Variants in UPF2 observed in about 807,000 individuals in gnomAD.
UPF2 encodes UPF2 regulator of nonsense mediated mRNA decay, also known as regulator of nonsense transcripts 2.
UPF2 carries 17 observed loss-of-function variants against 141.4 expected under a neutral mutation model. That is an observed-to-expected ratio of 0.12 (90% confidence interval 0.08 to 0.18). The LOEUF (loss-of-function observed/expected upper bound fraction) is 0.18, where lower values mean the gene tolerates loss of function less well. Ranked by LOEUF, UPF2 falls within the 10% of genes least tolerant of loss-of-function variation. The pLI is 1.00. For synonymous variants in UPF2, 540 were observed against 498.0 expected (o/e 1.08, Z -1.12); for missense variants, 1,152 against 1,515.9 (o/e 0.76, Z 3.99).
intron 1 of UPF2, among the ~76,000 whole-genome samples, chr10:12,038,620 T>C (rs889871854): frequency 2.6e-5 from 4 of 151,246 alleles, no homozygotes; most frequent in African/African-American, 9.7e-5. Flanking sequence ...TCCCAGCTAC[T>C]CGGGAGGCTG....
chr10:12,013,876 A>G lies in UPF2; in HGVS notation c.1306+148T>C, dbSNP rs1477012202. On this transcript the variant is annotated intron_variant, in intron 4 of 21. Transcript: ENST00000357604. The stretch of plus-strand genomic sequence containing the variant: ...TGGATTCCCAAAGTGTTGAGGTTAC[A>G]GGCATGAGCCACCATGCTTGGCCCA... 6.9e-6 allele frequency: 5 copies of G among 722,724 alleles called. No individual in the cohort carries two copies. The African/African-American group carries it at 9.2e-5, about 13-fold the overall frequency. 44.8% of individuals were successfully genotyped at this position (722,724 alleles called of 1,614,324 possible). A position where few individuals can be genotyped will look rare whatever the true frequency, so the allele number is the denominator to read the frequency against.
intron 4 of UPF2, among the ~76,000 whole-genome samples, chr10:12,010,879 T>TAGG (rs1834114971): frequency 6.6e-6 from 1 of 151,724 alleles, no homozygotes; most frequent in Non-Finnish European, 1.5e-5. Flanking sequence ...GTCAGAAAGG[T>TAGG]AGGAGCATTC....
rs1832845343 is a variant in UPF2 at position 11,936,041 on chromosome 10, G to A, written c.3546+504C>T. Among the ~76,000 whole-genome samples the A allele has an allele frequency of 6.6e-6, 1 of 152,118 alleles. No individual in the cohort carries two copies. The highest frequency in any genetic ancestry group is 1.5e-5 in the Non-Finnish European group (1 of 68,016). On this transcript the variant is annotated intron_variant, in intron 19 of 21. Transcript: ENST00000357604. This position sits in a 1 kb window ranked among gnomAD's most constrained non-coding sequence, Gnocchi z 6.6. ...TGTGGAAGTTTGTGCTAGAAGTCAAGGTACTTACATATTCTTACAAACATG... is the reference window on the plus strand; with the variant it reads ...TGTGGAAGTTTGTGCTAGAAGTCAAAGTACTTACATATTCTTACAAACATG...
intron 4 of UPF2, among the ~76,000 whole-genome samples, chr10:12,008,491 A>C (rs554396534): frequency 1.3e-5 from 2 of 151,942 alleles, no homozygotes; most frequent in South Asian, 2.1e-4. Flanking sequence ...TTAGCCAGGC[A>C]TGGTGACACA....
intron 18 of UPF2, among the ~76,000 whole-genome samples, chr10:11,938,614 G>A (rs528426306): frequency 6.6e-6 from 1 of 151,286 alleles, no homozygotes; most frequent in Non-Finnish European, 1.5e-5. Flanking sequence ...ATGACCTTTG[G>A]CATGATTTTG....
chr10:12,002,033 G>C (rs1032560492), intron 5 of UPF2, among the ~76,000 whole-genome samples: 2 of 152,174 alleles, frequency 1.3e-5, no homozygotes. Context: ...CACTTTGGGA[G>C]GCCGAGGAGG....
At chr10:11,955,076 T>C (rs1166382110) in intron 14 of UPF2, among the ~76,000 whole-genome samples, 156 bp downstream of exon 14, 1 of 152,038 alleles carries the variant, frequency 6.6e-6, no homozygotes, top group Admixed American at 6.6e-5. Context: ...TCATATATCT[T>C]TAAATTTCCA....
chr10:12,041,080 A>T (rs1834727604), intron 1 of UPF2, among the ~76,000 whole-genome samples: 1 of 152,156 alleles, frequency 6.6e-6, no homozygotes. Context: ...ATATACAAAC[A>T]CCGTGATTCA....
chr10:11,966,652 G>A (rs896273348), intron 10 of UPF2, among the ~76,000 whole-genome samples: 15 of 152,164 alleles, frequency 9.9e-5, no homozygotes, highest in Admixed American at 2.0e-4. Flanking sequence ...TCGAACTCCC[G>A]ATCTCAGGTG....
chr10:11,978,959 A>G, intron 9 of UPF2, 98 bp downstream of exon 9: 1 of 1,022,960 alleles, frequency 9.8e-7, no homozygotes. Context: ...ACCACTATCA[A>G]ATTTCAAGAA....
chr10:11,989,573 A>G (rs1434535274), intron 8 of UPF2, among the ~76,000 whole-genome samples: 1 of 152,266 alleles, frequency 6.6e-6, no homozygotes, highest in Non-Finnish European at 1.5e-5. Flanking sequence ...GTTTTCAACA[A>G]GGTAACTTAC....
At chr10:11,965,797 A>T (rs887894284) in intron 10 of UPF2, among the ~76,000 whole-genome samples, 6 of 147,404 alleles carry the variant, frequency 4.1e-5, no homozygotes, top group African/African-American at 1.2e-4. Flanking sequence ...GTCATGCATT[A>T]AAAAAAAAAC....
At chr10:11,926,934 G>A (rs1165626240) in intron 21 of UPF2, among the ~76,000 whole-genome samples, 6 of 152,210 alleles carry the variant, frequency 3.9e-5, no homozygotes, top group African/African-American at 1.4e-4. Context: ...CTGTTCACAC[G>A]CACGTCGATG....
At chr10:12,022,237 C>T (rs1251899305) in intron 3 of UPF2, among the ~76,000 whole-genome samples, 3 of 151,800 alleles carry the variant, frequency 2.0e-5, no homozygotes, top group African/African-American at 7.3e-5. Flanking sequence ...CATGGTGAAA[C>T]CCTGTCTCTT....
intron 18 of UPF2, among the ~76,000 whole-genome samples, 183 bp downstream of exon 18, chr10:11,942,482 T>C (rs17151077): frequency 0.024 from 3,581 of 152,284 alleles, 159 homozygotes; most frequent in African/African-American, 0.081. Flanking sequence ...CTCTACCTCA[T>C]GCAAATCAGG....
intron 6 of UPF2, 74 bp from the exon 7 acceptor site, chr10:12,000,083 A>G: frequency 1.6e-6 from 2 of 1,280,912 alleles, no homozygotes; most frequent in South Asian, 1.3e-5. Flanking sequence ...ATGATGAATT[A>G]TTTGGAAAAT....
intron 19 of UPF2, among the ~76,000 whole-genome samples, chr10:11,934,938 T>C (rs1218457897): frequency 1.3e-5 from 2 of 152,096 alleles, no homozygotes; most frequent in Admixed American, 1.3e-4. Flanking sequence ...CAGCAACAAG[T>C]AGTATACTGC....
chr10:11,942,604 A>G, intron 18 of UPF2, 61 bp downstream of exon 18: 1 of 1,502,142 alleles, frequency 6.7e-7, no homozygotes, highest in Non-Finnish European at 9.2e-7. Context: ...ATGAACCAGA[A>G]TGTAATGGGC....
chr10:11,949,272 T>G (rs1018411401), intron 15 of UPF2, among the ~76,000 whole-genome samples: 2 of 152,226 alleles, frequency 1.3e-5, no homozygotes, highest in South Asian at 2.1e-4. Context: ...CCCCTGAAGT[T>G]GCCTTAGACG....
Sources: allele counts gnomAD v4.1 joint callset (sites outside exome capture counted in the v4.1 genomes callset), GRCh38; gene constraint gnomAD v4.1.1; non-coding constraint Gnocchi (gnomAD v3.1); transcripts MANE v1.5; gene names NCBI Gene and HGNC (gene_info 2026-07-23, HGNC 2026-07-21).